Variants in TJP1 observed in about 807,000 individuals in gnomAD.
The protein encoded by TJP1 is tight junction protein ZO-1.
Under a neutral mutation model 194.2 loss-of-function variants are expected in TJP1, and 43 were observed. That is an observed-to-expected ratio of 0.22 (90% CI 0.17 to 0.29). TJP1 has a LOEUF of 0.29. TJP1 is among the 10% of genes least tolerant of loss of function. The pLI, the probability that TJP1 is intolerant of heterozygous loss-of-function variation, is 1.00. For missense variants in TJP1, 1,971 were observed against 2,185.7 expected (o/e 0.90, Z 1.96); for synonymous variants, 801 against 779.0 (o/e 1.03, Z -0.47).
At chr15:29,869,066 G>A (rs1292637728) in intron 2 of TJP1, among the ~76,000 whole-genome samples, 1 of 152,192 alleles carries the variant, frequency 6.6e-6, no homozygotes, top group Non-Finnish European at 1.5e-5. Flanking sequence ...CTTAATAAAT[G>A]TGTTTCATGC....
intron 1 of TJP1, among the ~76,000 whole-genome samples, chr15:29,817,732 G>GTA (rs2050026068): frequency 6.6e-6 from 1 of 152,086 alleles, no homozygotes; most frequent in South Asian, 2.1e-4. Flanking sequence ...ACTAACACCA[G>GTA]AACAGAAAAC....
chr15:29,845,587 C>T (rs981613621), intron 2 of TJP1, among the ~76,000 whole-genome samples: 1 of 152,004 alleles, frequency 6.6e-6, no homozygotes, highest in Non-Finnish European at 1.5e-5. Flanking sequence ...GGGCAGATCA[C>T]GAGGGCAAGA....
chr15:29,763,544 C>T (rs569696340), intron 5 of TJP1, among the ~76,000 whole-genome samples: 5 of 151,870 alleles, frequency 3.3e-5, no homozygotes, highest in East Asian at 1.9e-4. Context: ...CCAAGGCGGG[C>T]GGACCACAAG....
At chr15:29,889,119 G>A (rs764308888) in intron 2 of TJP1, among the ~76,000 whole-genome samples, 4 of 152,146 alleles carry the variant, frequency 2.6e-5, no homozygotes, top group Non-Finnish European at 4.4e-5. Flanking sequence ...TGTGCATAAC[G>A]TTTTAGTGTT....
chr15:29,805,860 G>A (rs1157498256), intron 1 of TJP1, among the ~76,000 whole-genome samples: 1 of 152,110 alleles, frequency 6.6e-6, no homozygotes, highest in African/African-American at 2.4e-5. Context: ...GGATGTCCAG[G>A]AAAAAAGTGG....
intron 2 of TJP1, among the ~76,000 whole-genome samples, chr15:29,773,909 T>C (rs2046850032): frequency 6.6e-6 from 1 of 152,224 alleles, no homozygotes; most frequent in South Asian, 2.1e-4. Context: ...ACTAACATTG[T>C]AAAATTACCT....
chr15:29,700,129 G>T (rs2041452301), downstream of TJP1: 1 of 397,028 alleles, frequency 2.5e-6, no homozygotes. Context: ...AGAAAACAGT[G>T]GGCAAACAGA....
intron 2 of TJP1, among the ~76,000 whole-genome samples, chr15:29,919,094 T>G (rs889136739): frequency 5.3e-5 from 8 of 152,224 alleles, no homozygotes; most frequent in Admixed American, 2.0e-4. Context: ...TGCAAAGGTT[T>G]GGGACACAGA....
chr15:29,791,010 C>A (rs1223653211), intron 2 of TJP1, among the ~76,000 whole-genome samples: 1 of 152,030 alleles, frequency 6.6e-6, no homozygotes, highest in Non-Finnish European at 1.5e-5. Flanking sequence ...CATGGGAGTG[C>A]AGTTATCCCT....
intron 8 of TJP1, among the ~76,000 whole-genome samples, chr15:29,756,888 GA>G (rs1296598545): frequency 1.6e-4 from 25 of 152,090 alleles, no homozygotes; most frequent in African/African-American, 4.8e-4. Flanking sequence ...ATAGAATGAG[GA>G]AATCTCAGAA....
chr15:29,920,150 G>C (rs950182472), intron 2 of TJP1, among the ~76,000 whole-genome samples: 7 of 152,198 alleles, frequency 4.6e-5, no homozygotes, highest in Admixed American at 3.3e-4. Flanking sequence ...CACAGAGCCT[G>C]TTAGTTACAG....
intron 8 of TJP1, chr15:29,760,028 T>C (rs1412281194): frequency 7.9e-6 from 4 of 507,538 alleles, no homozygotes; most frequent in Non-Finnish European, 1.4e-5. Flanking sequence ...TTTTAATTTT[T>C]TGAGGAACCT....
intron 1 of TJP1, among the ~76,000 whole-genome samples, chr15:29,803,431 T>A (rs1308589041): frequency 6.6e-6 from 1 of 152,146 alleles, no homozygotes; most frequent in Non-Finnish European, 1.5e-5. Context: ...AACTATATAC[T>A]AATGTAAGTG....
At position 29,701,361 on chromosome 15, in the gene TJP1, T is replaced by G; in HGVS notation, c.*234A>C. 2.5e-6 allele frequency: 1 copy of G among 398,656 alleles called. No homozygotes were observed. The highest frequency in any genetic ancestry group is 4.5e-6 in the Non-Finnish European group (1 of 222,952). The allele number at this position is 398,656 out of a possible 1,614,324, so 24.7% of individuals were successfully genotyped here. ...TACAAAAATCACAAAGCAAAATATC[T>G]TTGAACCTCTAGCCAATACCAACAG... is the stretch of plus-strand genomic sequence containing the variant. On this transcript the variant is annotated 3_prime_UTR_variant, in exon 28 of 28. Coordinates refer to ENST00000614355, the MANE Select transcript of TJP1 (RefSeq NM_001330239.4).
intron 1 of TJP1, among the ~76,000 whole-genome samples, chr15:29,803,485 G>A (rs2048918569): frequency 6.6e-6 from 1 of 152,076 alleles, no homozygotes; most frequent in African/African-American, 2.4e-5. Context: ...TTATGATACT[G>A]GGTAGGTTGG....
chr15:29,892,727 T>C (rs550371912), intron 2 of TJP1, among the ~76,000 whole-genome samples: 71 of 152,346 alleles, frequency 4.7e-4, no homozygotes, highest in Admixed American at 1.8e-3. Flanking sequence ...TTGAATATTT[T>C]AAGCCCACTG....
intron 1 of TJP1, among the ~76,000 whole-genome samples, chr15:29,813,430 G>A (rs79770846): frequency 0.044 from 6,746 of 152,038 alleles, 168 homozygotes; most frequent in South Asian, 0.081. Context: ...ATTTTCTCCC[G>A]AAACCAATAA....
chr15:29,966,361 G>A (rs952159249), intron 1 of TJP1, among the ~76,000 whole-genome samples: 32 of 152,008 alleles, frequency 2.1e-4, no homozygotes, highest in African/African-American at 6.3e-4. Context: ...AATATTAGCC[G>A]GGTGTGGTGG....
chr15:29,735,670 GA>G (rs1057183301), intron 11 of TJP1, among the ~76,000 whole-genome samples: 1 of 151,676 alleles, frequency 6.6e-6, no homozygotes, highest in African/African-American at 2.4e-5. Context: ...AGATGGGTAA[GA>G]AAATAGGTCT....
Sources: gnomAD v4.1 joint callset for allele counts (sites outside exome capture counted in the v4.1 genomes callset) on GRCh38, gnomAD v4.1.1 for gene constraint, MANE v1.5 for transcripts, NCBI Gene and HGNC (gene_info 2026-07-23, HGNC 2026-07-21) for gene names.